ADAMTS18: variants seen among roughly 807,000 people sequenced by gnomAD.
ADAMTS18 encodes A disintegrin and metalloproteinase with thrombospondin motifs 18.
Under a neutral mutation model 165.9 loss-of-function variants are expected in ADAMTS18, and 157 were observed. The observed-to-expected ratio is 0.95, with a 90% CI of 0.83 to 1.08. The LOEUF is 1.08. ADAMTS18 is among the 50% of genes least tolerant of loss of function. The pLI, the probability that ADAMTS18 is intolerant of heterozygous loss-of-function variation, is 0.00. For synonymous variants in ADAMTS18, 782 were observed against 578.2 expected (o/e 1.35, Z -5.06); for missense variants, 2,040 against 1,534.0 (o/e 1.33, Z -5.51).
Position 77,321,108 on chromosome 16 carries a change from C to T in ADAMTS18, c.2258G>A (p.Gly753Asp), listed in dbSNP as rs1338155250. ...GDNSTCKFYK[G>D]LYLNQHKANE... ...TGCTTTATGCTGGTTGAGGTACAGG[C>T]CTTTATAAAACTTGCAAGTTGAATT... The change falls in exon 15 of 23, where the codon GGC (glycine) becomes GAC (aspartate). Residue 753 changes from glycine to aspartate, a missense_variant. By Grantham distance (94) the Gly-to-Asp change is moderately conservative. Coordinates refer to ENST00000282849, the MANE Select transcript of ADAMTS18 (RefSeq NM_199355.4). The T allele has an allele frequency of 6.2e-7, 1 of 1,614,124 alleles. No homozygotes were observed. Among genetic ancestry groups the T allele is most frequent in the Non-Finnish European group, 8.5e-7 (1 of 1,180,020 alleles).
At chr16:77,389,527 G>A (rs1292829844) in intron 3 of ADAMTS18, among the ~76,000 whole-genome samples, 2 of 152,092 alleles carry the variant, frequency 1.3e-5, no homozygotes, top group South Asian at 4.1e-4. Context: ...TAGGACCTGC[G>A]AATAAGTAAT....
chr16:77,418,678 G>A (rs1465732692), intron 3 of ADAMTS18, among the ~76,000 whole-genome samples: 1 of 152,150 alleles, frequency 6.6e-6, no homozygotes, highest in Admixed American at 6.6e-5. Flanking sequence ...AAGAAAACTT[G>A]CTTCTTCTCT....
At chr16:77,375,977 C>A (rs886819856) in intron 3 of ADAMTS18, among the ~76,000 whole-genome samples, 10 of 145,446 alleles carry the variant, frequency 6.9e-5, no homozygotes, top group Non-Finnish European at 1.2e-4. Flanking sequence ...GATCTCGGCT[C>A]ACTGCAACCG....
chr16:77,353,705 G>A, intron 10 of ADAMTS18, 28 bp downstream of exon 10: 2 of 1,614,144 alleles, frequency 1.2e-6, no homozygotes, highest in East Asian at 2.2e-5. Flanking sequence ...GAGTCTTAAT[G>A]TAAGTTTGAA....
intron 22 of ADAMTS18, among the ~76,000 whole-genome samples, chr16:77,286,531 C>T (rs1196475014): frequency 6.6e-6 from 1 of 152,136 alleles, no homozygotes; most frequent in East Asian, 1.9e-4. Flanking sequence ...GCATTATTTC[C>T]CAGTTTTATG....
intron 3 of ADAMTS18, among the ~76,000 whole-genome samples, chr16:77,410,734 A>G (rs889189477): frequency 6.6e-6 from 1 of 152,302 alleles, no homozygotes; most frequent in South Asian, 2.1e-4. Context: ...ATTGAGCATT[A>G]GAAAGGAGAA....
At chr16:77,396,413 G>A in intron 3 of ADAMTS18, among the ~76,000 whole-genome samples, 1 of 152,138 alleles carries the variant, frequency 6.6e-6, no homozygotes, top group East Asian at 1.9e-4. Context: ...CTGCACTTCA[G>A]CATAAAGCCA....
intron 3 of ADAMTS18, among the ~76,000 whole-genome samples, chr16:77,374,218 CAAA>C (rs567551649): frequency 9.4e-5 from 8 of 85,374 alleles, no homozygotes; most frequent in African/African-American, 2.4e-4. Context: ...GACTCCATCT[CAAA>C]AAAAAAAAAA....
At chr16:77,391,470 C>T (rs1366030457) in intron 3 of ADAMTS18, among the ~76,000 whole-genome samples, 4 of 146,068 alleles carry the variant, frequency 2.7e-5, no homozygotes, top group African/African-American at 1.0e-4. Flanking sequence ...CCAGCCTGGG[C>T]AACAGCGCAA....
chr16:77,400,906 T>G (rs1015687055), intron 3 of ADAMTS18, among the ~76,000 whole-genome samples: 5 of 150,958 alleles, frequency 3.3e-5, no homozygotes, highest in African/African-American at 1.2e-4. Flanking sequence ...CTTCCTGGGA[T>G]CACCTCCCAA....
intron 16 of ADAMTS18, among the ~76,000 whole-genome samples, chr16:77,305,659 TGAC>T (rs2055668307): frequency 6.6e-6 from 1 of 152,168 alleles, no homozygotes; most frequent in South Asian, 2.1e-4. Context: ...AATCTGACAA[TGAC>T]TTCTCTCTCG....
intron 3 of ADAMTS18, among the ~76,000 whole-genome samples, chr16:77,371,606 C>G (rs192862261): frequency 2.0e-5 from 3 of 152,268 alleles, no homozygotes; most frequent in Non-Finnish European, 4.4e-5. Context: ...ACTCTTACCT[C>G]TCACCATATG....
chr16:77,425,478 T>A (rs2144856754), intron 3 of ADAMTS18, among the ~76,000 whole-genome samples: 1 of 152,318 alleles, frequency 6.6e-6, no homozygotes, highest in Middle Eastern at 3.4e-3. Flanking sequence ...GGGCCTTCAC[T>A]GAAGTTATTC....
rs1322668538 is a variant in ADAMTS18, at chr16:77,434,404, G to A, written c.178+14C>T. 2 of 1,564,244 alleles carry A rather than the reference G, an allele frequency of 1.3e-6. No homozygotes were observed. The highest frequency in any genetic ancestry group is 2.7e-5 in the African/African-American group (2 of 74,410). ...GCGAAAGGCCCTTCTTGGGGATGGG[G>A]GGCAAATACGAACCATCATTTAATC... is the stretch of plus-strand genomic sequence containing the variant. On this transcript the variant is annotated intron_variant, in intron 2 of 22. Coordinates refer to ENST00000282849, the MANE Select transcript of ADAMTS18 (RefSeq NM_199355.4).
chr16:77,414,847 TAAAAG>T (rs931617792), intron 3 of ADAMTS18, among the ~76,000 whole-genome samples: 6 of 152,130 alleles, frequency 3.9e-5, no homozygotes, highest in Non-Finnish European at 7.4e-5. Context: ...TCCAAACAAA[TAAAAG>T]AAATCAATTA....
chr16:77,340,631 A>G (rs571401068), intron 11 of ADAMTS18, among the ~76,000 whole-genome samples: 159 of 152,240 alleles, frequency 1.0e-3, no homozygotes, highest in African/African-American at 3.5e-3. Context: ...CCCAGGATGG[A>G]GTGCAGTGGC....
chr16:77,396,291 C>T (rs2057255951), intron 3 of ADAMTS18, among the ~76,000 whole-genome samples: 1 of 152,186 alleles, frequency 6.6e-6, no homozygotes, highest in South Asian at 2.1e-4. Context: ...AATCAACTTA[C>T]TGTGTTTGCC....
chr16:77,351,155 G>T (rs1432613169), intron 10 of ADAMTS18, among the ~76,000 whole-genome samples: 1 of 152,164 alleles, frequency 6.6e-6, no homozygotes, highest in Non-Finnish European at 1.5e-5. Context: ...CAAGTTATAA[G>T]TAGGTTTAAA....
intron 8 of ADAMTS18, 106 bp downstream of exon 8, chr16:77,359,212 G>A: frequency 1.0e-6 from 1 of 973,570 alleles, no homozygotes. Flanking sequence ...CTTTACACAA[G>A]ACTGATCCTC....
Sources: allele counts gnomAD v4.1 joint callset (sites outside exome capture counted in the v4.1 genomes callset), GRCh38; gene constraint gnomAD v4.1.1; transcripts MANE v1.5; gene names NCBI Gene and HGNC (gene_info 2026-07-23, HGNC 2026-07-21).